GTPBP10: variants seen among roughly 807,000 people sequenced by gnomAD.
GTPBP10 encodes the protein GTP-binding protein 10.
GTPBP10 carries 38 observed loss-of-function variants against 44.8 expected under a neutral mutation model. That is an observed-to-expected ratio of 0.85 (90% CI 0.65 to 1.11). The LOEUF (loss-of-function observed/expected upper bound fraction) is 1.11. Among genes scored for constraint, GTPBP10 ranks in the 50% most tolerant of loss-of-function variants. The pLI is 0.00. For missense variants in GTPBP10, 462 were observed against 453.7 expected, an observed-to-expected ratio of 1.02 and a Z score of -0.17; for synonymous variants, 152 against 150.6, an observed-to-expected ratio of 1.01 and a Z score of -0.07.
intron 2 of GTPBP10, chr7:90,353,210 T>G: frequency 2.4e-6 from 1 of 420,228 alleles, no homozygotes; most frequent in Non-Finnish European, 4.2e-6. Context: ...TTTCTGTCCG[T>G]TTCTTTTCCC....
At chr7:90,378,099 G>A (rs759544588) in intron 7 of GTPBP10, 35 bp from the exon 8 acceptor site, 4 of 1,581,580 alleles carry the variant, frequency 2.5e-6, no homozygotes, top group Non-Finnish European at 3.5e-6. Flanking sequence ...TTCTTCGTAT[G>A]TTAAAGGCTG....
intron 1 of GTPBP10, 67 bp downstream of exon 1, chr7:90,346,841 G>C (rs1160977651): frequency 6.5e-7 from 1 of 1,534,096 alleles, no homozygotes; most frequent in East Asian, 2.2e-5. Context: ...TTGCTCCCCT[G>C]TCTCTCCACT....
rs569266545 is a variant in GTPBP10 at position 90,363,192 on chromosome 7, T to G, written c.464+7962T>G. Among the ~76,000 whole-genome samples, 11 of 152,324 alleles carry G rather than the reference T, an allele frequency of 7.2e-5. 1 individual carries two copies. In the South Asian group the frequency reaches 1.5e-3, roughly 20 times the overall value. On this transcript the variant is annotated intron_variant, in intron 4 of 9. Coordinates refer to ENST00000222511, the MANE Select transcript of GTPBP10 (RefSeq NM_033107.4). ...TCCTGTCATTATGATGTTAGCTGGTTATTTTGCTCGTTAGTTGATGCGGTT... is the reference window on the plus strand; with the variant it reads ...TCCTGTCATTATGATGTTAGCTGGTGATTTTGCTCGTTAGTTGATGCGGTT...
intron 4 of GTPBP10, among the ~76,000 whole-genome samples, chr7:90,362,370 CTG>C (rs1386609817): frequency 6.6e-6 from 1 of 152,064 alleles, no homozygotes; most frequent in African/African-American, 2.4e-5. Context: ...ATCTTTATTT[CTG>C]CCTTCATTTC....
intron 4 of GTPBP10, among the ~76,000 whole-genome samples, chr7:90,365,821 G>C (rs987074249): frequency 6.6e-6 from 1 of 152,226 alleles, no homozygotes; most frequent in Non-Finnish European, 1.5e-5. Context: ...AGTGGTAAGA[G>C]AGGGCATCCC....
At chr7:90,359,065 C>T (rs1795960594) in intron 4 of GTPBP10, among the ~76,000 whole-genome samples, 2 of 151,520 alleles carry the variant, frequency 1.3e-5, no homozygotes, top group Non-Finnish European at 2.9e-5. Flanking sequence ...CTAGAATGGT[C>T]ATTATGGAAA....
chr7:90,360,067 C>T (rs954845304), intron 4 of GTPBP10, among the ~76,000 whole-genome samples: 1 of 152,018 alleles, frequency 6.6e-6, no homozygotes, highest in African/African-American at 2.4e-5. Flanking sequence ...AGATTGCAAA[C>T]ATTTTCTCCC....
At chr7:90,354,425 C>T in intron 2 of GTPBP10, 33 bp from the exon 3 acceptor site, 3 of 1,105,526 alleles carry the variant, frequency 2.7e-6, no homozygotes, top group African/African-American at 1.6e-5. Context: ...TACACACACA[C>T]ATACATACAT....
chr7:90,360,017 A>G (rs548697666), intron 4 of GTPBP10, among the ~76,000 whole-genome samples: 5 of 152,170 alleles, frequency 3.3e-5, no homozygotes, highest in Non-Finnish European at 7.4e-5. Flanking sequence ...TTGCTTGAGT[A>G]CTTTGTAGAT....
Position 90,365,619 on chromosome 7 carries a change from G to A in GTPBP10, c.465-6536G>A, listed in dbSNP as rs372290417. 5.5e-4 allele frequency among the ~76,000 whole-genome samples: 84 copies of A among 151,908 alleles called. 1 individual carries two copies. In the East Asian group the frequency reaches 0.011, roughly 19 times the overall value. ...TCTCGATCTCCTGACCTCGTGATCC[G>A]CCCACCTCGGCCTCCCAAAGTGCTG... On this transcript the variant is annotated intron_variant, in intron 4 of 9. Transcript: ENST00000222511.
At chr7:90,359,079 C>CA (rs540991690) in intron 4 of GTPBP10, among the ~76,000 whole-genome samples, 94 of 150,908 alleles carry the variant, frequency 6.2e-4, no homozygotes, top group African/African-American at 2.1e-3. Context: ...ATGGAAAAGT[C>CA]AAAAAACAAT....
intron 6 of GTPBP10, 148 bp downstream of exon 6, chr7:90,374,502 A>G (rs1796311528): frequency 3.4e-6 from 2 of 585,334 alleles, no homozygotes; most frequent in East Asian, 5.9e-5. Flanking sequence ...AAACTGGTCA[A>G]ATTAATTCTG....
rs1796548152 is a variant in GTPBP10 at position 90,387,703 on chromosome 7, A to G, written c.*2549A>G. 6.6e-6 allele frequency: 1 copy of G among 152,306 alleles called. No individual in the cohort carries two copies. Among genetic ancestry groups the G allele is most frequent in the Non-Finnish European group, 1.5e-5 (1 of 68,038 alleles). The allele number at this position is 152,306 out of a possible 1,614,324, so 9.4% of individuals were successfully genotyped here. On this transcript the variant is annotated 3_prime_UTR_variant, in exon 10 of 10. Transcript: ENST00000222511. ...GTGCTGTATGTGCCATGTTGAAGAG[A>G]ACAGACAGGACCTACTGTCCTTGTA...
At chr7:90,374,426 A>G (rs767155165) in intron 6 of GTPBP10, 72 bp downstream of exon 6, 14 of 975,556 alleles carry the variant, frequency 1.4e-5, no homozygotes, top group Middle Eastern at 2.1e-4. Flanking sequence ...CTTGGATATT[A>G]TAGTTTTTGC....
At position 90,382,971 on chromosome 7, in the gene GTPBP10, A is replaced by G. The variant is rs1296874544; in HGVS notation, c.793A>G (p.Lys265Glu). 8 of 1,576,264 alleles carry G rather than the reference A, an allele frequency of 5.1e-6. No individual in the cohort carries two copies. The highest frequency in any genetic ancestry group is 1.3e-5 in the African/African-American group (1 of 74,550). Residue 265 changes from lysine (K) to glutamate (E), a missense_variant, in exon 9 of 10, where the codon AAA (lysine) becomes GAA (glutamate). Transcript: ENST00000222511. ...TGATTTAAAGGAGTTGGAATTGTAC[A>G]AAGAGGAACTTCAGACAAAACCTGC... ...ILLTKELELYKEELQTKPALL... is the reference protein window; with the variant it reads ...ILLTKELELYEEELQTKPALL...
rs1387649083 is a variant in GTPBP10 at position 90,388,958 on chromosome 7, T to C, written c.*3804T>C. 6.6e-6 allele frequency: 1 copy of C among 152,242 alleles called. No homozygotes were observed. Among genetic ancestry groups the C allele is most frequent in the East Asian group, 1.9e-4 (1 of 5,202 alleles). 9.4% of individuals were successfully genotyped at this position (152,242 alleles called of 1,614,324 possible). ...TAATTTTTCAAAGCAACAGCACAGA[T>C]GCACTTTAAAACTGTAGCTTAAAAA... On this transcript the variant is annotated 3_prime_UTR_variant, in exon 10 of 10. Transcript: ENST00000222511.
At position 90,384,897 on chromosome 7, in the gene GTPBP10, C is replaced by T; in HGVS notation, c.907C>T (p.Leu303=). Reference sequence around the variant, plus strand: ...GTTTGTGCTCTTTCTTTTAGATTTTCTGCATTTATTTGAAAAAAACATGAT... The same window carrying T: ...GTTTGTGCTCTTTCTTTTAGATTTTTTGCATTTATTTGAAAAAAACATGAT... ...MSQLQNPKDF[L]HLFEKNMIPE... The change falls in exon 10 of 10, where the codon CTG becomes TTG. Residue 303 remains leucine, a synonymous_variant. Coordinates refer to ENST00000222511, the MANE Select transcript of GTPBP10 (RefSeq NM_033107.4). The T allele has an allele frequency of 1.3e-6, 2 of 1,583,982 alleles. 1 individual carries two copies. Among genetic ancestry groups the T allele is most frequent in the South Asian group, 2.3e-5 (2 of 85,160 alleles).
At chr7:90,374,266 A>T (rs1278995130) in intron 5 of GTPBP10, 36 bp from the exon 6 acceptor site, 1 of 1,440,060 alleles carries the variant, frequency 6.9e-7, no homozygotes, top group Non-Finnish European at 9.8e-7. Flanking sequence ...CCTAAAATAA[A>T]TTCTAGCCTT....
At chr7:90,369,070 G>T (rs552006535) in intron 4 of GTPBP10, among the ~76,000 whole-genome samples, 41 of 152,262 alleles carry the variant, frequency 2.7e-4, no homozygotes, top group African/African-American at 9.9e-4. Flanking sequence ...AGGTCTTTTG[G>T]AGGTTGCTGG....
Sources: allele counts gnomAD v4.1 joint callset (sites outside exome capture counted in the v4.1 genomes callset), GRCh38; gene constraint gnomAD v4.1.1; transcripts MANE v1.5; gene names NCBI Gene and HGNC (gene_info 2026-07-23, HGNC 2026-07-21).